The following STK10 variants were observed in gnomAD, a reference collection of about 807,000 sequenced individuals.
STK10 encodes the protein serine/threonine-protein kinase 10.
Under a neutral mutation model 113.8 loss-of-function variants are expected in STK10, and 78 were observed. That is an observed-to-expected ratio of 0.69 (90% CI 0.57 to 0.83). The LOEUF (loss-of-function observed/expected upper bound fraction) is 0.83, where lower values mean the gene tolerates loss of function less well. Among genes scored for constraint, STK10 ranks in the 40% least tolerant of loss-of-function variants. STK10 has a pLI of 0.00. For synonymous variants in STK10, 465 were observed against 494.7 expected (o/e 0.94, Z 0.80); for missense variants, 1,109 against 1,280.1 (o/e 0.87, Z 2.04).
intron 12 of STK10, among the ~76,000 whole-genome samples, chr5:172,075,461 G>A (rs776245276): frequency 2.0e-5 from 3 of 152,108 alleles, no homozygotes; most frequent in Non-Finnish European, 4.4e-5. Context: ...CGGATCTTCT[G>A]GGGTCAGGAG....
chr5:172,172,872 C>T (rs1044071998), intron 1 of STK10, among the ~76,000 whole-genome samples: 5 of 151,906 alleles, frequency 3.3e-5, no homozygotes, highest in African/African-American at 7.3e-5. Context: ...TCCAGCTACT[C>T]GGGAGCCTGA....
At chr5:172,123,415 G>C (rs573009043) in intron 3 of STK10, among the ~76,000 whole-genome samples, 11 of 152,210 alleles carry the variant, frequency 7.2e-5, no homozygotes, top group African/African-American at 2.7e-4. Flanking sequence ...CCAGAGAAGG[G>C]TTTGTCTGCT....
intron 1 of STK10, among the ~76,000 whole-genome samples, chr5:172,174,082 G>A (rs543654748): frequency 3.9e-5 from 6 of 152,244 alleles, no homozygotes; most frequent in African/African-American, 9.6e-5. Context: ...ACCACAATGC[G>A]GGGCCTGTCC....
chr5:172,186,757 A>C (rs73315907), intron 1 of STK10, among the ~76,000 whole-genome samples: 2,975 of 152,298 alleles, frequency 0.02, 89 homozygotes, highest in African/African-American at 0.063. Flanking sequence ...GGGGCTGGGC[A>C]TGAGATTGTT....
rs10475568 is a variant in STK10, at chr5:172,120,037, C to T, written c.371-2407G>A. Among the ~76,000 whole-genome samples the T allele has an allele frequency of 0.047, 7,109 of 151,878 alleles. 576 individuals carry two copies. Among genetic ancestry groups the T allele is most frequent in the African/African-American group, 0.16 (6,586 of 41,376 alleles). On this transcript the variant is annotated intron_variant, in intron 3 of 18. Coordinates refer to ENST00000176763, the MANE Select transcript of STK10 (RefSeq NM_005990.4). The surrounding 1 kb of genome is among the most constrained non-coding windows in gnomAD (Gnocchi z 4.0). ...GGACAGATTAGGGAGGTGGAGCTGG[C>T]GGAATGTGGAGGCGGTGGGAGGAGG...
intron 6 of STK10, among the ~76,000 whole-genome samples, chr5:172,106,039 C>T (rs1462570983): frequency 4.6e-5 from 7 of 152,132 alleles, no homozygotes; most frequent in Admixed American, 6.5e-5. Context: ...GTGGCTCCTG[C>T]GGCTCAGCTG....
chr5:172,108,613 CAA>C (rs1184891478), intron 4 of STK10, among the ~76,000 whole-genome samples: 13,515 of 64,472 alleles, frequency 0.21, 598 homozygotes, highest in Middle Eastern at 0.24. Flanking sequence ...GAGACTGTCT[CAA>C]AAAAAAAAAA....
At chr5:172,064,882 C>G in intron 12 of STK10, 70 bp from the exon 13 acceptor site, 1 of 1,542,294 alleles carries the variant, frequency 6.5e-7, no homozygotes, top group Non-Finnish European at 8.9e-7. Context: ...TAATCTTCAA[C>G]GCAGAACCCC....
In STK10 at chr5:172,093,807, A is replaced by C; in HGVS notation, c.1159T>G (p.Ser387Ala). ...EPCSQPSGDR[S>A]LQTTSPPVVA... ...ACTGGGGGACTGGTGGTTTGGAGGG[A>C]TCTGTCCCCAGAGGGCTGGCTGCAG... The change falls in exon 9 of 19, where the codon TCC (serine) becomes GCC (alanine). Residue 387 changes from serine to alanine, a missense_variant. Coordinates refer to ENST00000176763, the MANE Select transcript of STK10 (RefSeq NM_005990.4). The surrounding 1 kb of genome is among the most constrained non-coding windows in gnomAD (Gnocchi z 4.1). The C allele has an allele frequency of 6.2e-7, 1 of 1,607,292 alleles. No individual in the cohort carries two copies. The highest frequency in any genetic ancestry group is 1.1e-5 in the South Asian group (1 of 90,448).
At chr5:172,047,224 G>A (rs1581127616) in intron 18 of STK10, among the ~76,000 whole-genome samples, 3 of 152,172 alleles carry the variant, frequency 2.0e-5, no homozygotes. Flanking sequence ...ATTCTATAAA[G>A]AATTCTGCAA....
intron 2 of STK10, among the ~76,000 whole-genome samples, chr5:172,135,830 C>G (rs1475577888): frequency 6.6e-6 from 1 of 152,030 alleles, no homozygotes; most frequent in African/African-American, 2.4e-5. Context: ...CATTCAAGAC[C>G]AGCCTGGCCA....
chr5:172,045,543 G>A (rs543651564), intron 18 of STK10: 12 of 420,030 alleles, frequency 2.9e-5, no homozygotes, highest in African/African-American at 1.2e-4. Context: ...CCAGAGGTTC[G>A]GATTTTGAAG....
intron 1 of STK10, among the ~76,000 whole-genome samples, chr5:172,172,560 C>T (rs1360082062): frequency 2.0e-5 from 3 of 152,202 alleles, no homozygotes; most frequent in South Asian, 2.1e-4. Flanking sequence ...GTGAGAGGCA[C>T]TATTGTCCCT....
At chr5:172,143,195 G>C (rs927147635) in intron 2 of STK10, among the ~76,000 whole-genome samples, 1 of 152,166 alleles carries the variant, frequency 6.6e-6, no homozygotes, top group Non-Finnish European at 1.5e-5. Flanking sequence ...GCCAAACCCT[G>C]TCTCTAGTAA....
In STK10 at chr5:172,082,937, G is replaced by T. The variant is rs750982778; in HGVS notation, c.1809+24C>A. ...CACCTGGAGGCAAGAAGCCCTGCAG[G>T]GTCCCATCTTTTCTCGCACTCACGT... is the stretch of plus-strand genomic sequence containing the variant. On this transcript the variant is annotated intron_variant, in intron 11 of 18. Coordinates refer to ENST00000176763, the MANE Select transcript of STK10 (RefSeq NM_005990.4). The surrounding 1 kb of genome is among the most constrained non-coding windows in gnomAD (Gnocchi z 4.3). The T allele has an allele frequency of 1.9e-6, 3 of 1,611,038 alleles. No individual in the cohort carries two copies. The highest frequency in any genetic ancestry group is 1.1e-5 in the South Asian group (1 of 90,770).
intron 13 of STK10, among the ~76,000 whole-genome samples, chr5:172,062,620 T>C (rs1298463812): frequency 6.6e-6 from 1 of 152,208 alleles, no homozygotes; most frequent in Non-Finnish European, 1.5e-5. Context: ...CTTGAGGACA[T>C]TACGCTAAGT....
At chr5:172,085,101 C>T (rs577588858) in intron 10 of STK10, among the ~76,000 whole-genome samples, 8 of 151,958 alleles carry the variant, frequency 5.3e-5, no homozygotes, top group African/African-American at 1.4e-4. Context: ...AAAAATTAGC[C>T]GGGCATGGTG....
At chr5:172,170,895 A>G (rs1016388136) in intron 1 of STK10, among the ~76,000 whole-genome samples, 3 of 152,194 alleles carry the variant, frequency 2.0e-5, no homozygotes, top group Admixed American at 2.0e-4. Flanking sequence ...GTGAGACTCA[A>G]TGCGGAGTTG....
At chr5:172,168,689 G>T (rs1770612447) in intron 1 of STK10, among the ~76,000 whole-genome samples, 1 of 152,178 alleles carries the variant, frequency 6.6e-6, no homozygotes, top group African/African-American at 2.4e-5. Flanking sequence ...AGAAAAGGGA[G>T]GCCCAGGCAG....
Sources: allele counts gnomAD v4.1 joint callset (sites outside exome capture counted in the v4.1 genomes callset), GRCh38; gene constraint gnomAD v4.1.1; non-coding constraint Gnocchi (gnomAD v3.1); transcripts MANE v1.5; gene names NCBI Gene and HGNC (gene_info 2026-07-23, HGNC 2026-07-21).